Variants in UGT8 observed in about 807,000 individuals in gnomAD.
UGT8 encodes the protein UDP glycosyltransferase 8.
In UGT8, 12 loss-of-function variants were observed where a neutral mutation model predicts 40.5. The observed-to-expected ratio is 0.30, with a 90% confidence interval of 0.19 to 0.48. UGT8 has a LOEUF of 0.48. UGT8 is among the 20% of genes least tolerant of loss of function. UGT8 has a pLI of 0.99. For missense variants in UGT8, 513 were observed against 648.7 expected, an observed-to-expected ratio of 0.79 and a Z score of 2.27; for synonymous variants, 224 against 240.4, an observed-to-expected ratio of 0.93 and a Z score of 0.63.
chr4:114,676,594 C>A lies in UGT8; in HGVS notation c.*306C>A, dbSNP rs150423330. On this transcript the variant is annotated 3_prime_UTR_variant, in exon 6 of 6. Coordinates refer to ENST00000310836, the MANE Select transcript of UGT8 (RefSeq NM_001128174.3). Reference sequence around the variant, plus strand: ...GTTTTAAATCTTGATATGTGCGTGTCCCGGATCAGGAATGGTTTCATTTTT... The same window carrying A: ...GTTTTAAATCTTGATATGTGCGTGTACCGGATCAGGAATGGTTTCATTTTT... 213 of 257,890 alleles carry A rather than the reference C, an allele frequency of 8.3e-4. 1 individual carries two copies. The highest frequency in any genetic ancestry group is 1.3e-3 in the Middle Eastern group (1 of 792). 16.0% of individuals were successfully genotyped at this position (257,890 alleles called of 1,614,324 possible). A position where few individuals can be genotyped will look rare whatever the true frequency, so the allele number is the denominator to read the frequency against.
intron 1 of UGT8, among the ~76,000 whole-genome samples, chr4:114,618,319 C>T (rs1343620624): frequency 6.6e-6 from 1 of 152,152 alleles, no homozygotes; most frequent in African/African-American, 2.4e-5. Flanking sequence ...ATAACATTTA[C>T]ACCAGTTTAC....
chr4:114,607,091 C>T (rs1294430863), intron 1 of UGT8, among the ~76,000 whole-genome samples: 1 of 152,140 alleles, frequency 6.6e-6, no homozygotes, highest in Non-Finnish European at 1.5e-5. Context: ...TTGTAGTTTG[C>T]AAATCTATTA....
intron 1 of UGT8, among the ~76,000 whole-genome samples, chr4:114,620,203 G>C (rs1731699428): frequency 6.6e-6 from 1 of 152,148 alleles, no homozygotes; most frequent in Non-Finnish European, 1.5e-5. Context: ...AACTGTAACT[G>C]AACAGAGTGT....
chr4:114,660,987 A>G (rs763486098), intron 2 of UGT8, among the ~76,000 whole-genome samples: 11 of 151,740 alleles, frequency 7.2e-5, no homozygotes, highest in South Asian at 2.1e-4. Flanking sequence ...TTTTTCTTCA[A>G]TCAGTAGCTG....
At chr4:114,628,598 A>G (rs1732387523) in intron 2 of UGT8, among the ~76,000 whole-genome samples, 1 of 151,430 alleles carries the variant, frequency 6.6e-6, no homozygotes, top group African/African-American at 2.4e-5. Context: ...CAGGCCAGCT[A>G]TTGCTGTCTT....
Position 114,675,929 on chromosome 4 carries a change from C to T in UGT8, c.1267C>T (p.Arg423Cys), listed in dbSNP as rs1373770804. The T allele has an allele frequency of 6.8e-6, 11 of 1,610,622 alleles. No individual in the cohort carries two copies. Among genetic ancestry groups the T allele is most frequent in the East Asian group, 2.2e-5 (1 of 44,816 alleles). ...LVKVINNPSY[R>C]QRAQKLSEIH... ...TGTTTTGTCCCCTCTCCATAGCTACCGTCAGAGGGCTCAGAAGCTTTCGGA... is the reference window on the plus strand; with the variant it reads ...TGTTTTGTCCCCTCTCCATAGCTACTGTCAGAGGGCTCAGAAGCTTTCGGA... The change falls in exon 6 of 6, where the codon CGT (arginine) becomes TGT (cysteine). Residue 423 changes from arginine to cysteine, a missense_variant. Arg to Cys is a radical substitution (Grantham distance 180, BLOSUM62 -3). Coordinates refer to ENST00000310836, the MANE Select transcript of UGT8 (RefSeq NM_001128174.3).
intron 5 of UGT8, among the ~76,000 whole-genome samples, chr4:114,672,590 T>C (rs563833170): frequency 6.6e-6 from 1 of 152,096 alleles, no homozygotes; most frequent in African/African-American, 2.4e-5. Flanking sequence ...CTGCGTGTTC[T>C]CACTCATAAG....
chr4:114,602,387 AC>A (rs1730494406), intron 1 of UGT8, among the ~76,000 whole-genome samples: 1 of 152,218 alleles, frequency 6.6e-6, no homozygotes, highest in African/African-American at 2.4e-5. Flanking sequence ...ACTTGAGGCT[AC>A]ATGAATTATT....
intron 2 of UGT8, among the ~76,000 whole-genome samples, chr4:114,627,480 G>A (rs748462983): frequency 5.3e-5 from 8 of 151,854 alleles, no homozygotes; most frequent in Admixed American, 2.0e-4. Flanking sequence ...GGATGGTCTC[G>A]ATCTCCTGAC....
Position 114,623,494 on chromosome 4 carries a change from T to G in UGT8, c.614T>G (p.Leu205Ter). Reference sequence around the variant, plus strand: ...ACCGGTGTTTACCTCATTTCCAGATTAGGGGTCAGCTTTCTGGTTCTTCCC... The same window carrying G: ...ACCGGTGTTTACCTCATTTCCAGATGAGGGGTCAGCTTTCTGGTTCTTCCC... ...KNTGVYLISR[L>*]GVSFLVLPKY... The change falls in exon 2 of 6, where the codon TTA becomes TGA. Residue 205 changes from leucine to a stop codon, truncating the protein, a stop_gained. Transcript: ENST00000310836. LOFTEE classifies it high-confidence loss of function. 1.2e-6 allele frequency: 2 copies of G among 1,614,116 alleles called. No homozygotes were observed. Among genetic ancestry groups the G allele is most frequent in the Non-Finnish European group, 1.7e-6 (2 of 1,180,008 alleles).
intron 2 of UGT8, among the ~76,000 whole-genome samples, chr4:114,641,672 G>C (rs1733232689): frequency 6.6e-6 from 1 of 152,170 alleles, no homozygotes; most frequent in Non-Finnish European, 1.5e-5. Flanking sequence ...TAAAGTGACT[G>C]TAGTAACCCA....
intron 2 of UGT8, among the ~76,000 whole-genome samples, chr4:114,660,695 A>G (rs1167240780): frequency 6.6e-6 from 1 of 152,072 alleles, no homozygotes; most frequent in African/African-American, 2.4e-5. Context: ...GATCAAGACC[A>G]TCCTGGCTAA....
At chr4:114,607,056 A>G (rs983773524) in intron 1 of UGT8, among the ~76,000 whole-genome samples, 1 of 152,204 alleles carries the variant, frequency 6.6e-6, no homozygotes. Context: ...TTCCCCTAGT[A>G]AAGTGTTAGA....
At chr4:114,638,607 C>T in intron 2 of UGT8, among the ~76,000 whole-genome samples, 1 of 152,208 alleles carries the variant, frequency 6.6e-6, no homozygotes, top group East Asian at 1.9e-4. Context: ...TGTACACTGT[C>T]ACTTTTAAAC....
chr4:114,666,290 T>G (rs1734874361), intron 4 of UGT8, among the ~76,000 whole-genome samples: 1 of 152,274 alleles, frequency 6.6e-6, no homozygotes, highest in Non-Finnish European at 1.5e-5. Flanking sequence ...TCATTGGGCA[T>G]TTTTGAAGCA....
At chr4:114,658,131 G>A (rs1354450787) in intron 2 of UGT8, among the ~76,000 whole-genome samples, 2 of 152,096 alleles carry the variant, frequency 1.3e-5, no homozygotes, top group African/African-American at 4.8e-5. Flanking sequence ...CTATCAAAAT[G>A]TTCACTATCA....
rs1735602114 is a variant in UGT8, at chr4:114,675,814, C to T, written c.1263-111C>T. On this transcript the variant is annotated intron_variant, in intron 5 of 5. Transcript: ENST00000310836. ...ACACAGTGCTTGTACATGCAAGGTA[C>T]TTACTAAAGAATAGTTGTTTTAATT... 5.4e-6 allele frequency: 6 copies of T among 1,102,602 alleles called. No homozygotes were observed. The Admixed American group carries it at 1.7e-4, about 31-fold the overall frequency. The allele number at this position is 1,102,602 out of a possible 1,614,324, so 68.3% of individuals were successfully genotyped here. A position where few individuals can be genotyped will look rare whatever the true frequency, so the allele number is the denominator to read the frequency against.
At chr4:114,614,266 CTTTTG>C (rs1731261645) in intron 1 of UGT8, among the ~76,000 whole-genome samples, 1 of 152,126 alleles carries the variant, frequency 6.6e-6, no homozygotes, top group Non-Finnish European at 1.5e-5. Context: ...AGAAGAGGTT[CTTTTG>C]TATTTCTCTT....
At chr4:114,638,912 TC>T (rs1187901304) in intron 2 of UGT8, among the ~76,000 whole-genome samples, 1 of 152,232 alleles carries the variant, frequency 6.6e-6, no homozygotes, top group Non-Finnish European at 1.5e-5. Context: ...TCACAGACTT[TC>T]CTAATATGGT....
Sources: allele counts gnomAD v4.1 joint callset (sites outside exome capture counted in the v4.1 genomes callset), GRCh38; gene constraint gnomAD v4.1.1; transcripts MANE v1.5; gene names NCBI Gene and HGNC (gene_info 2026-07-23, HGNC 2026-07-21).